HCN1: variants seen among roughly 807,000 people sequenced by gnomAD.
The protein encoded by HCN1 is potassium/sodium hyperpolarization-activated cyclic nucleotide-gated channel 1.
A neutral mutation model predicts 78.9 loss-of-function variants in HCN1; 13 were observed. The ratio of observed to expected loss-of-function variants is 0.16; its 90% CI spans 0.11 to 0.26. The LOEUF is 0.26. Among genes scored for constraint, HCN1 ranks in the 10% least tolerant of loss-of-function variants. The pLI, the probability that HCN1 is intolerant of heterozygous loss-of-function variation, is 1.00. For synonymous variants in HCN1, 552 were observed against 455.5 expected, an observed-to-expected ratio of 1.21 and a Z score of -2.70; for missense variants, 810 against 1,154.3, an observed-to-expected ratio of 0.70 and a Z score of 4.32.
chr5:45,548,587 A>G (rs1272882690), intron 2 of HCN1, among the ~76,000 whole-genome samples: 1 of 152,150 alleles, frequency 6.6e-6, no homozygotes, highest in Admixed American at 6.6e-5. Flanking sequence ...AACTGGCACA[A>G]GACAGGGATG....
At chr5:45,452,124 C>T (rs1209911981) in intron 3 of HCN1, among the ~76,000 whole-genome samples, 1 of 151,748 alleles carries the variant, frequency 6.6e-6, no homozygotes, top group African/African-American at 2.4e-5. Context: ...CCAAACTTTC[C>T]CTACACAATT....
Position 45,428,486 on chromosome 5 carries a change from C to T in HCN1, c.1012-31776G>A, listed in dbSNP as rs566830902. ...TCATTTAAAAAAAATTCATGTCACT[C>T]TAATTCACTGTGTACTCATAAATTT... On this transcript the variant is annotated intron_variant, in intron 3 of 7. Transcript: ENST00000303230. Among the ~76,000 whole-genome samples the T allele has an allele frequency of 2.0e-4, 31 of 152,146 alleles. 1 individual carries two copies. The South Asian group carries it at 5.8e-3, about 28-fold the overall frequency.
chr5:45,412,798 G>T (rs1224242564), intron 3 of HCN1, among the ~76,000 whole-genome samples: 1 of 152,004 alleles, frequency 6.6e-6, no homozygotes, highest in Non-Finnish European at 1.5e-5. Flanking sequence ...GATGAAGAGA[G>T]CATGAGGATC....
chr5:45,413,030 T>C (rs1483405260), intron 3 of HCN1, among the ~76,000 whole-genome samples: 1 of 152,032 alleles, frequency 6.6e-6, no homozygotes, highest in Non-Finnish European at 1.5e-5. Context: ...TGGGGAATGA[T>C]TCAAAGGGTT....
At position 45,619,270 on chromosome 5, in the gene HCN1, C is replaced by A. The variant is rs140214136; in HGVS notation, c.849+25915G>T. Among the ~76,000 whole-genome samples the A allele has an allele frequency of 1.2e-4, 18 of 152,120 alleles. No homozygotes were observed. The East Asian group carries it at 3.5e-3, about 29-fold the overall frequency. On this transcript the variant is annotated intron_variant, in intron 2 of 7. Coordinates refer to ENST00000303230, the MANE Select transcript of HCN1 (RefSeq NM_021072.4). ...CAGTGCCACTTCTATACCCTGGTAG[C>A]AATGAGCGTATCTGGCACCCACATC...
At chr5:45,562,864 G>C (rs1263437031) in intron 2 of HCN1, among the ~76,000 whole-genome samples, 1 of 152,114 alleles carries the variant, frequency 6.6e-6, no homozygotes, top group Non-Finnish European at 1.5e-5. Context: ...TTCTCAGAAT[G>C]GACGAATAAT....
Position 45,262,580 on chromosome 5 carries a change from T to G in HCN1, c.2014A>C (p.Ser672Arg), listed in dbSNP as rs766487587. The change falls in exon 8 of 8, where the codon AGC becomes CGC. Residue 672 changes from serine (S) to arginine (R), a missense_variant. Ser to Arg is a moderately radical substitution (Grantham distance 110). Coordinates refer to ENST00000303230, the MANE Select transcript of HCN1 (RefSeq NM_021072.4). ...TQSPPVYTAT[S>R]LSHSNLHSPS... ...GAGTGCAGGTTGCTGTGAGACAGGCTGGTCGCTGTGTACACCGGTGGAGAT... is the reference window on the plus strand; with the variant it reads ...GAGTGCAGGTTGCTGTGAGACAGGCGGGTCGCTGTGTACACCGGTGGAGAT... 1.2e-6 allele frequency: 2 copies of G among 1,613,944 alleles called. No individual in the cohort carries two copies. Among genetic ancestry groups the G allele is most frequent in the Non-Finnish European group, 1.7e-6 (2 of 1,180,004 alleles).
In HCN1 at chr5:45,372,002, A is replaced by T. The variant is rs868274787; in HGVS notation, c.1231-18756T>A. ...ATATTATATATAATGTAATATATAT[A>T]GTATATATCATATAATATATATAAT... On this transcript the variant is annotated intron_variant, in intron 4 of 7. Coordinates refer to ENST00000303230, the MANE Select transcript of HCN1 (RefSeq NM_021072.4). Among the ~76,000 whole-genome samples the T allele has an allele frequency of 6.1e-4, 46 of 75,892 alleles. 2 individuals are homozygous for T. In the East Asian group the frequency reaches 9.8e-3, roughly 16 times the overall value. 49.8% of individuals were successfully genotyped at this position (75,892 alleles called of 152,430 possible).
Position 45,492,392 on chromosome 5 carries a change from A to AATATATATATATAT in HCN1, c.850-30399_850-30386dup, listed in dbSNP as rs35781186. 4.9e-3 allele frequency among the ~76,000 whole-genome samples: 594 copies of AATATATATATATAT among 121,252 alleles called. 3 individuals carry two copies. The highest frequency in any genetic ancestry group is 8.8e-3 in the African/African-American group (271 of 30,828). 79.5% of individuals were successfully genotyped at this position (121,252 alleles called of 152,430 possible). On this transcript the variant is annotated intron_variant, in intron 2 of 7. Coordinates refer to ENST00000303230, the MANE Select transcript of HCN1 (RefSeq NM_021072.4). Reference sequence around the variant, plus strand: ...AGAGGATCTTAGACTTCTTTAAATGAATATATATATATATATATATATATA... The same window carrying AATATATATATATAT: ...AGAGGATCTTAGACTTCTTTAAATGAATATATATATATATATATATATATATATATATATATATA...
At chr5:45,336,399 G>T (rs16902114) in intron 5 of HCN1, among the ~76,000 whole-genome samples, 2,492 of 152,174 alleles carry the variant, frequency 0.016, 75 homozygotes, top group African/African-American at 0.058. Context: ...GTGCACAGTG[G>T]AATGATAATT....
chr5:45,402,794 C>T (rs1005502369), intron 3 of HCN1, among the ~76,000 whole-genome samples: 8 of 143,032 alleles, frequency 5.6e-5, no homozygotes, highest in African/African-American at 2.1e-4. Context: ...CCTTTCCTTT[C>T]CTTTCTTTCC....
At chr5:45,636,584 G>A (rs62369134) in intron 2 of HCN1, among the ~76,000 whole-genome samples, 1,578 of 152,194 alleles carry the variant, frequency 0.01, 13 homozygotes, top group Middle Eastern at 0.02. Flanking sequence ...ACACTGGCTC[G>A]TGCTTGTAAT....
At chr5:45,443,093 C>G (rs977349377) in intron 3 of HCN1, among the ~76,000 whole-genome samples, 1 of 151,954 alleles carries the variant, frequency 6.6e-6, no homozygotes, top group Non-Finnish European at 1.5e-5. Flanking sequence ...TAAGATTTTT[C>G]TTTCCCATCA....
At chr5:45,411,856 T>C (rs752562432) in intron 3 of HCN1, among the ~76,000 whole-genome samples, 6 of 152,086 alleles carry the variant, frequency 3.9e-5, no homozygotes, top group Non-Finnish European at 5.9e-5. Context: ...ACTTTGGGTA[T>C]GAAGCACAAT....
intron 2 of HCN1, among the ~76,000 whole-genome samples, chr5:45,531,912 C>T (rs116747508): frequency 0.038 from 5,812 of 152,110 alleles, 407 homozygotes; most frequent in African/African-American, 0.13. Flanking sequence ...AGGCAGTGTG[C>T]ACTTGTGGTC....
intron 5 of HCN1, among the ~76,000 whole-genome samples, chr5:45,323,306 T>G (rs567437777): frequency 3.3e-5 from 5 of 152,050 alleles, no homozygotes; most frequent in Admixed American, 2.6e-4. Context: ...CATAACATTT[T>G]GGATATATTT....
chr5:45,597,053 C>T (rs931971485), intron 2 of HCN1, among the ~76,000 whole-genome samples: 1 of 152,138 alleles, frequency 6.6e-6, no homozygotes, highest in African/African-American at 2.4e-5. Context: ...GGAATACTCC[C>T]TAACTCATTT....
intron 4 of HCN1, among the ~76,000 whole-genome samples, chr5:45,368,669 A>T (rs1170003854): frequency 6.6e-6 from 1 of 151,994 alleles, no homozygotes; most frequent in African/African-American, 2.4e-5. Context: ...TTTAACATTT[A>T]ACGCATCCAA....
intron 1 of HCN1, among the ~76,000 whole-genome samples, chr5:45,685,188 T>C (rs1416205649): frequency 6.6e-6 from 1 of 152,210 alleles, no homozygotes; most frequent in Non-Finnish European, 1.5e-5. Flanking sequence ...TATCAGGTTA[T>C]AACTCATCTT....
Sources: allele counts gnomAD v4.1 joint callset (sites outside exome capture counted in the v4.1 genomes callset), GRCh38; gene constraint gnomAD v4.1.1; transcripts MANE v1.5; gene names NCBI Gene and HGNC (gene_info 2026-07-23, HGNC 2026-07-21).